Variants in FAF1 observed in about 807,000 individuals in gnomAD.
The protein encoded by FAF1 is Fas associated factor 1, also known as FAS-associated factor 1.
In FAF1, 25 loss-of-function variants were observed where a neutral mutation model predicts 92.5. The ratio of observed to expected loss-of-function variants is 0.27; its 90% CI spans 0.20 to 0.38. FAF1 has a LOEUF of 0.38. Among genes scored for constraint, FAF1 ranks in the 10% least tolerant of loss-of-function variants. FAF1 has a pLI of 1.00. For missense variants in FAF1, 636 were observed against 793.3 expected, an observed-to-expected ratio of 0.80 and a Z score of 2.38; for synonymous variants, 234 against 273.2, an observed-to-expected ratio of 0.86 and a Z score of 1.42.
chr1:50,736,771 A>G (rs187231159), intron 6 of FAF1, among the ~76,000 whole-genome samples: 1 of 152,176 alleles, frequency 6.6e-6, no homozygotes, highest in African/African-American at 2.4e-5. Context: ...AAAGAAAGAA[A>G]AAAAAAAGAT....
At chr1:50,477,708 T>G (rs182742536) in intron 17 of FAF1, among the ~76,000 whole-genome samples, 1 of 152,326 alleles carries the variant, frequency 6.6e-6, no homozygotes, top group African/African-American at 2.4e-5. Flanking sequence ...CATTCACTAT[T>G]TAGTACCATA....
intron 7 of FAF1, among the ~76,000 whole-genome samples, chr1:50,702,770 C>T (rs1191530587): frequency 6.6e-6 from 1 of 152,112 alleles, no homozygotes; most frequent in Non-Finnish European, 1.5e-5. Flanking sequence ...TTGTACAACT[C>T]TTGGTTTATC....
chr1:50,864,171 T>C (rs1167351066), intron 1 of FAF1, among the ~76,000 whole-genome samples: 2 of 147,344 alleles, frequency 1.4e-5, no homozygotes, highest in Admixed American at 6.9e-5. Flanking sequence ...GATTCATTAA[T>C]TTTTTGAAGG....
intron 7 of FAF1, among the ~76,000 whole-genome samples, chr1:50,656,360 A>G (rs1655112752): frequency 6.6e-6 from 1 of 151,740 alleles, no homozygotes; most frequent in Admixed American, 6.6e-5. Context: ...AAAAAAAAAA[A>G]GTAGCACACG....
chr1:50,780,485 G>C (rs1471105059), intron 4 of FAF1: 1 of 185,894 alleles, frequency 5.4e-6, no homozygotes, highest in African/African-American at 2.4e-5. Flanking sequence ...CACAACACCG[G>C]TAGAGACAGG....
chr1:50,842,532 C>T (rs1409836026), intron 2 of FAF1, among the ~76,000 whole-genome samples: 2 of 152,082 alleles, frequency 1.3e-5, no homozygotes, highest in African/African-American at 4.8e-5. Context: ...TCTACAAAGT[C>T]CTATAAAACC....
intron 7 of FAF1, among the ~76,000 whole-genome samples, chr1:50,672,881 G>A (rs920551222): frequency 4.6e-5 from 7 of 152,116 alleles, no homozygotes; most frequent in Admixed American, 3.9e-4. Context: ...CACTCTAGGG[G>A]CTGAGGTGGG....
chr1:50,489,131 T>C (rs950055512), intron 17 of FAF1, among the ~76,000 whole-genome samples: 2 of 152,232 alleles, frequency 1.3e-5, no homozygotes, highest in African/African-American at 2.4e-5. Flanking sequence ...TCTATGTCAT[T>C]TAGCACATTT....
chr1:50,836,145 G>A (rs1368575790), intron 2 of FAF1, among the ~76,000 whole-genome samples: 3 of 128,528 alleles, frequency 2.3e-5, no homozygotes, highest in African/African-American at 8.9e-5. Flanking sequence ...GATTTTGTGT[G>A]TGTGTGTTTT....
At chr1:50,902,591 T>C (rs926600722) in intron 1 of FAF1, among the ~76,000 whole-genome samples, 11 of 152,208 alleles carry the variant, frequency 7.2e-5, no homozygotes, top group South Asian at 2.1e-4. Flanking sequence ...ACAAACTATA[T>C]GCAGTTGTCT....
intron 12 of FAF1, among the ~76,000 whole-genome samples, chr1:50,578,829 A>G (rs1292237911): frequency 2.0e-5 from 3 of 152,150 alleles, no homozygotes; most frequent in African/African-American, 7.2e-5. Context: ...TCAATAAATG[A>G]ACCTGTTTAG....
chr1:50,788,102 G>A lies in FAF1; in HGVS notation c.265C>T (p.Pro89Ser). 1.2e-6 allele frequency: 2 copies of A among 1,614,066 alleles called. No individual in the cohort carries two copies. Among genetic ancestry groups the A allele is most frequent in the East Asian group, 2.2e-5 (1 of 44,874 alleles). The change falls in exon 4 of 19, where the codon CCA becomes TCA. Residue 89 changes from proline (P) to serine (S), a missense_variant. Pro to Ser is a moderately conservative substitution (Grantham distance 74). Transcript: ENST00000396153. Reference protein sequence around the residue: ...SSSSAFRPVMPSRQIVERQPR... With the variant: ...SSSSAFRPVMSSRQIVERQPR... ...TGCCTTTCTACAATCTGCCTGGATG[G>A]CATTACAGGTCGAAACGCTGAAGAA...
chr1:50,477,447 C>G (rs1646652161), intron 17 of FAF1, among the ~76,000 whole-genome samples: 1 of 151,884 alleles, frequency 6.6e-6, no homozygotes, highest in Non-Finnish European at 1.5e-5. Context: ...AAATTGATGC[C>G]CAGAAATGGA....
intron 15 of FAF1, among the ~76,000 whole-genome samples, chr1:50,515,888 A>C (rs116224281): frequency 6.6e-6 from 1 of 152,088 alleles, no homozygotes; most frequent in Non-Finnish European, 1.5e-5. Context: ...TCACATACCC[A>C]AATTTTTATG....
At chr1:50,701,827 A>G (rs960469903) in intron 7 of FAF1, among the ~76,000 whole-genome samples, 9 of 152,094 alleles carry the variant, frequency 5.9e-5, no homozygotes, top group African/African-American at 2.2e-4. Flanking sequence ...CCTGCAAGAT[A>G]TATCTTTATA....
chr1:50,926,648 C>T (rs1019762398), intron 1 of FAF1, among the ~76,000 whole-genome samples: 2 of 152,102 alleles, frequency 1.3e-5, no homozygotes, highest in Non-Finnish European at 1.5e-5. Context: ...GATCACTACA[C>T]ATTGCATATT....
intron 6 of FAF1, among the ~76,000 whole-genome samples, chr1:50,709,587 G>A (rs1039915594): frequency 1.3e-5 from 2 of 152,096 alleles, no homozygotes. Flanking sequence ...CTACAAAGAG[G>A]TGGAACTAAT....
chr1:50,952,930 A>G (rs1264953862), intron 1 of FAF1, among the ~76,000 whole-genome samples: 6 of 152,220 alleles, frequency 3.9e-5, no homozygotes, highest in South Asian at 2.1e-4. Context: ...CATGATGACG[A>G]TGGCGGTTTT....
rs184732263 is a variant in FAF1, at chr1:50,794,868, C to T, written c.162-6663G>A. On this transcript the variant is annotated intron_variant, in intron 3 of 18. Coordinates refer to ENST00000396153, the MANE Select transcript of FAF1 (RefSeq NM_007051.3). ...GCCAGGCTGGTCTTGAACTCCTGAC[C>T]TCAGGCGATCCACCCGCCTTGGCCT... is the stretch of plus-strand genomic sequence containing the variant. Among the ~76,000 whole-genome samples the T allele has an allele frequency of 2.8e-3, 422 of 151,694 alleles. 5 individuals carry two copies. Among genetic ancestry groups the T allele is most frequent in the Non-Finnish European group, 4.6e-3 (315 of 67,932 alleles).
Sources: allele counts gnomAD v4.1 joint callset (sites outside exome capture counted in the v4.1 genomes callset), GRCh38; gene constraint gnomAD v4.1.1; transcripts MANE v1.5; gene names NCBI Gene and HGNC (gene_info 2026-07-23, HGNC 2026-07-21).